PPEF1: variants seen among roughly 807,000 people sequenced by gnomAD.
PPEF1 encodes protein phosphatase with EF-hand domain 1, also known as serine/threonine-protein phosphatase with EF-hands 1.
Under a neutral mutation model 53.3 loss-of-function variants are expected in PPEF1, and 12 were observed. That is an observed-to-expected ratio of 0.23 (90% CI 0.14 to 0.36). The LOEUF (loss-of-function observed/expected upper bound fraction) is 0.36, where lower values mean the gene tolerates loss of function less well. PPEF1 is among the 10% of genes least tolerant of loss of function. The pLI is 1.00. For synonymous variants in PPEF1, 165 were observed against 176.7 expected (o/e 0.93, Z 0.52); for missense variants, 334 against 490.4 (o/e 0.68, Z 3.01).
upstream of PPEF1, among the ~76,000 whole-genome samples, chrX:18,678,896 A>G (rs1928775796): frequency 9.1e-6 from 1 of 109,797 alleles, no homozygotes; most frequent in Non-Finnish European, 1.9e-5. Flanking sequence ...CATTCAATCT[A>G]ATGGCTTTCA....
intron 12 of PPEF1, among the ~76,000 whole-genome samples, chrX:18,808,817 T>TTCTA (rs2046739135): frequency 9.0e-6 from 1 of 111,154 alleles, no homozygotes; most frequent in Non-Finnish European, 1.9e-5. Context: ...GGAATATGGA[T>TTCTA]TAGTACAGCC....
chrX:18,714,522 C>T (rs919324792), intron 1 of PPEF1, among the ~76,000 whole-genome samples: 5 of 111,540 alleles, frequency 4.5e-5, no homozygotes, highest in African/African-American at 1.6e-4. Flanking sequence ...TCGCCCGCCT[C>T]GGCCTCCCAA....
intron 14 of PPEF1, among the ~76,000 whole-genome samples, chrX:18,824,592 A>G (rs527714418): frequency 2.7e-5 from 3 of 111,943 alleles, no homozygotes; most frequent in South Asian, 3.7e-4. Flanking sequence ...AGCTTCCACA[A>G]GCAAGTCCAC....
intron 7 of PPEF1, among the ~76,000 whole-genome samples, chrX:18,781,668 G>C (rs1344288681): frequency 1.8e-5 from 2 of 111,778 alleles, no homozygotes; most frequent in African/African-American, 3.2e-5. Context: ...GAAGCCTGAT[G>C]TGACATGATT....
intron 3 of PPEF1, among the ~76,000 whole-genome samples, chrX:18,748,270 TA>T: frequency 8.9e-6 from 1 of 112,503 alleles, no homozygotes; most frequent in East Asian, 2.8e-4. Context: ...ATTTAGAAAA[TA>T]TTTTTTTAAA....
At chrX:18,795,403 T>A (rs1281396398) in intron 10 of PPEF1, among the ~76,000 whole-genome samples, 2 of 112,351 alleles carry the variant, frequency 1.8e-5, no homozygotes, top group African/African-American at 6.5e-5. Context: ...TATGTTGTCA[T>A]TTTGAGAACT....
intron 1 of PPEF1, among the ~76,000 whole-genome samples, chrX:18,719,238 T>G (rs1461629053): frequency 1.8e-5 from 2 of 111,965 alleles, no homozygotes; most frequent in African/African-American, 6.5e-5. Flanking sequence ...AACTATTCTC[T>G]TGGTCTGAGT....
chrX:18,734,713 C>T (rs2044928877), intron 3 of PPEF1, among the ~76,000 whole-genome samples: 1 of 111,445 alleles, frequency 9.0e-6, no homozygotes, highest in Admixed American at 9.6e-5. Flanking sequence ...CACTGTCTTC[C>T]ACAATGGTTG....
At chrX:18,760,776 A>G (rs1326091883) in intron 5 of PPEF1, among the ~76,000 whole-genome samples, 1 of 56,818 alleles carries the variant, frequency 1.8e-5, no homozygotes, top group African/African-American at 6.2e-5. Flanking sequence ...CAAACCTGGC[A>G]ATTTTTTTTT....
At chrX:18,703,172 G>A (rs2044122416), upstream of PPEF1, among the ~76,000 whole-genome samples, 1 of 111,221 alleles carries the variant, frequency 9.0e-6, no homozygotes, top group African/African-American at 3.3e-5. Context: ...TCTAGGTGGG[G>A]CAGTACATGG....
chrX:18,773,280 C>T (rs1178426663), intron 6 of PPEF1, among the ~76,000 whole-genome samples: 1 of 112,089 alleles, frequency 8.9e-6, no homozygotes, highest in Non-Finnish European at 1.9e-5. Flanking sequence ...GTATTTTTTT[C>T]ATAAAGTGCC....
chrX:18,755,230 A>C (rs1004878169), intron 4 of PPEF1, among the ~76,000 whole-genome samples: 2 of 111,636 alleles, frequency 1.8e-5, no homozygotes, highest in Non-Finnish European at 3.8e-5. Context: ...TTTTTAATTG[A>C]GAAAAAATTC....
intron 9 of PPEF1, 63 bp downstream of exon 9, chrX:18,784,111 A>G (rs2046152684): frequency 1.0e-6 from 1 of 969,577 alleles, no homozygotes; most frequent in African/African-American, 1.9e-5. Context: ...ATACCTCTTC[A>G]TTTATTATTT....
chrX:18,675,272 G>A (rs1159610440), upstream of PPEF1, among the ~76,000 whole-genome samples: 1 of 113,582 alleles, frequency 8.8e-6, no homozygotes, highest in African/African-American at 3.2e-5. Flanking sequence ...GCGGCCGGAA[G>A]TGCACCCTGC....
intron 3 of PPEF1, among the ~76,000 whole-genome samples, chrX:18,736,926 T>C (rs1453989420): frequency 1.8e-5 from 2 of 112,375 alleles, no homozygotes; most frequent in Non-Finnish European, 3.8e-5. Context: ...TAGAGGTGTT[T>C]ATAGTATTCT....
intron 4 of PPEF1, among the ~76,000 whole-genome samples, chrX:18,757,022 C>T (rs914669278): frequency 2.7e-5 from 3 of 110,755 alleles, no homozygotes; most frequent in Non-Finnish European, 5.7e-5. Flanking sequence ...CCAGCCTGGG[C>T]AACCTAATGA....
chrX:18,741,251 T>C (rs1224690672), intron 3 of PPEF1, among the ~76,000 whole-genome samples: 1 of 111,683 alleles, frequency 9.0e-6, no homozygotes, highest in Non-Finnish European at 1.9e-5. Flanking sequence ...AATATGATAA[T>C]GATAAAATGA....
chrX:18,771,229 C>A (rs1485300281), intron 6 of PPEF1, among the ~76,000 whole-genome samples: 1 of 110,868 alleles, frequency 9.0e-6, no homozygotes, highest in Non-Finnish European at 1.9e-5. Context: ...CTTTTTATTT[C>A]TTTTCTATTT....
rs140905065 is a variant in PPEF1 at position 18,728,015 on chromosome X, C to G, written c.47-2166C>G. 8.6e-3 allele frequency among the ~76,000 whole-genome samples: 958 copies of G among 110,887 alleles called. 11 individuals carry two copies. The highest frequency in any genetic ancestry group is 0.03 in the African/African-American group (908 of 30,462). ...GCATTTCTTCCCCTAGGGCATAGAG[C>G]CTTAAGCCCATAATGAGAAAGTCAG... On this transcript the variant is annotated intron_variant, in intron 1 of 15. Transcript: ENST00000470157.
Sources: gnomAD v4.1 joint callset for allele counts (sites outside exome capture counted in the v4.1 genomes callset) on GRCh38, gnomAD v4.1.1 for gene constraint, MANE v1.5 for transcripts, NCBI Gene and HGNC (gene_info 2026-07-23, HGNC 2026-07-21) for gene names.